Variants in L3MBTL1 observed in about 807,000 individuals in gnomAD.
L3MBTL1 encodes L3MBTL histone methyl-lysine binding protein 1.
A neutral mutation model predicts 105.3 loss-of-function variants in L3MBTL1; 75 were observed. The observed-to-expected ratio is 0.71, with a 90% confidence interval of 0.59 to 0.86. The LOEUF is 0.86. L3MBTL1 is among the 40% of genes least tolerant of loss of function. The pLI, the probability that L3MBTL1 is intolerant of heterozygous loss-of-function variation, is 0.00. For synonymous variants in L3MBTL1, 452 were observed against 436.2 expected, an observed-to-expected ratio of 1.04 and a Z score of -0.45; for missense variants, 1,069 against 1,126.4, an observed-to-expected ratio of 0.95 and a Z score of 0.73.
At position 43,516,294 on chromosome 20, in the gene L3MBTL1, T is replaced by C. The variant is rs1248968082; in HGVS notation, c.862+117T>C. 5.5e-6 allele frequency: 4 copies of C among 728,936 alleles called. No individual in the cohort carries two copies. The East Asian group carries it at 8.2e-5, about 15-fold the overall frequency. The allele number at this position is 728,936 out of a possible 1,614,324, so 45.2% of individuals were successfully genotyped here. A position where few individuals can be genotyped will look rare whatever the true frequency, so the allele number is the denominator to read the frequency against. On this transcript the variant is annotated intron_variant, in intron 7 of 21. Coordinates refer to ENST00000418998, the MANE Select transcript of L3MBTL1 (RefSeq NM_001377303.1). ...TAGGTTGTACATGCATAAATGAGCATGAGTTAGTGTGTGTGAAAGAGAGAG... is the reference window on the plus strand; with the variant it reads ...TAGGTTGTACATGCATAAATGAGCACGAGTTAGTGTGTGTGAAAGAGAGAG...
chr20:43,518,965 G>T (rs902334685), intron 7 of L3MBTL1, among the ~76,000 whole-genome samples: 3 of 150,292 alleles, frequency 2.0e-5, no homozygotes, highest in Non-Finnish European at 3.0e-5. Context: ...GGAGGAGGTT[G>T]CAGTGAGCCG....
At chr20:43,535,086 T>A in intron 16 of L3MBTL1, 144 bp downstream of exon 16, 1 of 604,454 alleles carries the variant, frequency 1.7e-6, no homozygotes, top group Non-Finnish European at 2.9e-6. Flanking sequence ...GAATCCCCCA[T>A]CTGCCCCACC....
At chr20:43,540,007 C>A in intron 19 of L3MBTL1, 144 bp from the exon 20 acceptor site, 3 of 857,822 alleles carry the variant, frequency 3.5e-6, no homozygotes, top group Non-Finnish European at 5.7e-6. Flanking sequence ...ACGGCTCACC[C>A]TCTTGACTCT....
At chr20:43,538,659 C>A (rs982617647) in intron 19 of L3MBTL1, among the ~76,000 whole-genome samples, 5 of 152,202 alleles carry the variant, frequency 3.3e-5, no homozygotes, top group African/African-American at 1.2e-4. Flanking sequence ...ACTGAAGGAA[C>A]TGAGGAGCCA....
intron 5 of L3MBTL1, 64 bp downstream of exon 5, chr20:43,515,223 C>T: frequency 6.2e-7 from 1 of 1,613,730 alleles, no homozygotes; most frequent in Non-Finnish European, 8.5e-7. Flanking sequence ...CATTCCTGTT[C>T]AGGGGTTAGG....
intron 1 of L3MBTL1, among the ~76,000 whole-genome samples, chr20:43,510,451 C>A (rs1173685726): frequency 7.1e-6 from 1 of 141,336 alleles, no homozygotes; most frequent in Non-Finnish European, 1.5e-5. Flanking sequence ...GTTGCCCAGG[C>A]TGGAGTGCAG....
chr20:43,515,446 G>A, intron 6 of L3MBTL1, 31 bp downstream of exon 6: 1 of 1,546,732 alleles, frequency 6.5e-7, no homozygotes, highest in Non-Finnish European at 8.8e-7. Context: ...AAGGGAGGGG[G>A]AAGCTATAGC....
At chr20:43,518,940 A>C (rs6103364) in intron 7 of L3MBTL1, among the ~76,000 whole-genome samples, 1 of 146,532 alleles carries the variant, frequency 6.8e-6, no homozygotes. Flanking sequence ...GCAGGAGGAT[A>C]GCTTGAACCT....
At chr20:43,514,935 C>G in intron 4 of L3MBTL1, 74 bp from the exon 5 acceptor site, 1 of 1,553,700 alleles carries the variant, frequency 6.4e-7, no homozygotes, top group Non-Finnish European at 8.7e-7. Flanking sequence ...GAGGCAGGGC[C>G]TGAGGGGGCG....
rs2019929072 is a variant in L3MBTL1 at position 43,541,822 on chromosome 20, G to A, written c.*694G>A. 3 of 984,690 alleles carry A rather than the reference G, an allele frequency of 3.0e-6. No homozygotes were observed. The South Asian group carries it at 1.4e-4, about 46-fold the overall frequency. 61.0% of individuals were successfully genotyped at this position (984,690 alleles called of 1,614,324 possible). On this transcript the variant is annotated 3_prime_UTR_variant, in exon 22 of 22. Transcript: ENST00000418998. ...ATAGAGCAATATTATGGAGGAATAT[G>A]TAGATCCAATCACTTTACCTATACA...
At chr20:43,525,732 CA>C (rs2018998233) in intron 7 of L3MBTL1, among the ~76,000 whole-genome samples, 1 of 152,136 alleles carries the variant, frequency 6.6e-6, no homozygotes, top group African/African-American at 2.4e-5. Flanking sequence ...CAGTGGATTA[CA>C]TTGAATCTTG....
At chr20:43,528,923 AG>A (rs2019178238) in intron 8 of L3MBTL1, 178 bp downstream of exon 8, 1 of 616,878 alleles carries the variant, frequency 1.6e-6, no homozygotes, top group South Asian at 1.9e-5. Context: ...AGGGGCTGGC[AG>A]GGTGGGAAGA....
intron 11 of L3MBTL1, chr20:43,532,494 G>A: frequency 2.7e-6 from 1 of 372,162 alleles, no homozygotes; most frequent in African/African-American, 2.1e-5. Flanking sequence ...TGGTTCACCA[G>A]GTTCTTTGGG....
At chr20:43,526,057 GGGTGTT>G (rs1301033692) in intron 7 of L3MBTL1, among the ~76,000 whole-genome samples, 15 of 152,310 alleles carry the variant, frequency 9.8e-5, no homozygotes, top group Admixed American at 9.8e-4. Flanking sequence ...CAGATAAAGA[GGGTGTT>G]GGTCAGAGGT....
chr20:43,515,399 C>G lies in L3MBTL1; in HGVS notation c.761C>G (p.Ser254Trp), dbSNP rs778976608. ...REYQSPSEEE[S>W]EPEAMEKQEE... The stretch of plus-strand genomic sequence containing the variant: ...TACCAGAGCCCATCAGAGGAGGAGT[C>G]GGAGCCAGAGGCCATGGTAGGAAGA... Residue 254 changes from serine to tryptophan, a missense_variant, in exon 6 of 22, where the codon TCG becomes TGG. Ser to Trp is a radical substitution (Grantham distance 177). Coordinates refer to ENST00000418998, the MANE Select transcript of L3MBTL1 (RefSeq NM_001377303.1). 7.1e-6 allele frequency: 11 copies of G among 1,557,352 alleles called. No homozygotes were observed. The highest frequency in any genetic ancestry group is 1.7e-4 in the Middle Eastern group (1 of 5,960).
Position 43,541,189 on chromosome 20 carries a change from A to G in L3MBTL1, c.*61A>G, listed in dbSNP as rs1348139788. ...ATAATTAAAGTGTATTTTGAATGAC[A>G]CAGATATTGTGATTTACTGCAAGGA... On this transcript the variant is annotated 3_prime_UTR_variant, in exon 22 of 22. Coordinates refer to ENST00000418998, the MANE Select transcript of L3MBTL1 (RefSeq NM_001377303.1). The G allele has an allele frequency of 1.3e-6, 2 of 1,570,852 alleles. No individual in the cohort carries two copies. The highest frequency in any genetic ancestry group is 2.7e-5 in the African/African-American group (2 of 74,088).
chr20:43,547,418 A>G (rs959339203), intron 18 of L3MBTL1, among the ~76,000 whole-genome samples: 27 of 152,072 alleles, frequency 1.8e-4, no homozygotes, highest in Non-Finnish European at 1.5e-5. Flanking sequence ...GACATTTTTA[A>G]AAGTCTTTCA....
In L3MBTL1 at chr20:43,549,065, T is replaced by A. The variant is rs1235382565; in HGVS notation, c.*820T>A. The A allele has an allele frequency of 2.6e-5, 4 of 152,202 alleles. No individual in the cohort carries two copies. In the East Asian group the frequency reaches 7.7e-4, roughly 29 times the overall value. 9.4% of individuals were successfully genotyped at this position (152,202 alleles called of 1,614,324 possible). A position where few individuals can be genotyped will look rare whatever the true frequency, so the allele number is the denominator to read the frequency against. Reference sequence around the variant, plus strand: ...TGCTGTTTTCCATACACCCTTCATGTGTTGAGTCTGGGAAGGAGTAAGCCT... The same window carrying A: ...TGCTGTTTTCCATACACCCTTCATGAGTTGAGTCTGGGAAGGAGTAAGCCT... On this transcript the variant is annotated 3_prime_UTR_variant, in exon 19 of 19. Transcript: ENST00000422861.
rs1348531492 is a variant in L3MBTL1, at chr20:43,541,407, A to G, written c.*279A>G. The G allele has an allele frequency of 9.9e-6, 4 of 403,972 alleles. No homozygotes were observed. The highest frequency in any genetic ancestry group is 1.8e-5 in the Non-Finnish European group (4 of 224,392). The allele number at this position is 403,972 out of a possible 1,614,324, so 25.0% of individuals were successfully genotyped here. ...TTAATGAGGTCTACCTTGCAGAGCC[A>G]TTGTGAGCATTGGAAATGATGAATG... is the stretch of plus-strand genomic sequence containing the variant. On this transcript the variant is annotated 3_prime_UTR_variant, in exon 22 of 22. Coordinates refer to ENST00000418998, the MANE Select transcript of L3MBTL1 (RefSeq NM_001377303.1).
Sources: allele counts gnomAD v4.1 joint callset (sites outside exome capture counted in the v4.1 genomes callset), GRCh38; gene constraint gnomAD v4.1.1; transcripts MANE v1.5; gene names NCBI Gene and HGNC (gene_info 2026-07-23, HGNC 2026-07-21).